Variants in WWOX observed in about 807,000 individuals in gnomAD.
WWOX encodes WW domain-containing oxidoreductase.
A neutral mutation model predicts 46.2 loss-of-function variants in WWOX; 69 were observed. The observed-to-expected ratio is 1.49, with a 90% CI of 1.23 to 1.82. WWOX has a LOEUF of 1.82. Ranked by LOEUF, WWOX falls within the 40% of genes most tolerant of loss-of-function variation. WWOX has a pLI of 0.00. For synonymous variants in WWOX, 359 were observed against 202.6 expected, an observed-to-expected ratio of 1.77 and a Z score of -6.56; for missense variants, 919 against 542.6, an observed-to-expected ratio of 1.69 and a Z score of -6.89.
intron 8 of WWOX, among the ~76,000 whole-genome samples, chr16:79,053,215 G>A (rs1326569545): frequency 1.3e-5 from 2 of 152,172 alleles, no homozygotes; most frequent in South Asian, 2.1e-4. Context: ...AGGCCAGGGT[G>A]TGTTTTATTA....
At chr16:78,880,076 T>A (rs1009111396) in intron 8 of WWOX, among the ~76,000 whole-genome samples, 1 of 152,216 alleles carries the variant, frequency 6.6e-6, no homozygotes, top group Non-Finnish European at 1.5e-5. Flanking sequence ...GAGTTGATGA[T>A]ACCGTATGCA....
chr16:78,385,362 C>G (rs113475043), intron 5 of WWOX, among the ~76,000 whole-genome samples: 4,104 of 152,296 alleles, frequency 0.027, 161 homozygotes, highest in African/African-American at 0.087. Context: ...GAAACATCTT[C>G]TCTGCTAGTT....
At chr16:78,699,281 C>T (rs2048163068) in intron 8 of WWOX, among the ~76,000 whole-genome samples, 1 of 152,084 alleles carries the variant, frequency 6.6e-6, no homozygotes, top group South Asian at 2.1e-4. Flanking sequence ...CGCCTGTGAT[C>T]CTAGCACTTT....
At chr16:78,447,034 T>A (rs900563238) in intron 8 of WWOX, among the ~76,000 whole-genome samples, 1 of 152,204 alleles carries the variant, frequency 6.6e-6, no homozygotes, top group Non-Finnish European at 1.5e-5. Context: ...TGGCAGGATG[T>A]CTTATTTATG....
chr16:79,022,111 G>C (rs1190284698), intron 8 of WWOX, among the ~76,000 whole-genome samples: 1 of 152,232 alleles, frequency 6.6e-6, no homozygotes, highest in Admixed American at 6.5e-5. Context: ...CATGAGTGCA[G>C]AGGCACGTAG....
chr16:79,193,155 C>T (rs924346381), intron 8 of WWOX, among the ~76,000 whole-genome samples: 1 of 152,212 alleles, frequency 6.6e-6, no homozygotes, highest in African/African-American at 2.4e-5. Flanking sequence ...CTGCTGGAAT[C>T]TCCCAATACA....
At chr16:78,770,037 G>A (rs1451250401) in intron 8 of WWOX, among the ~76,000 whole-genome samples, 1 of 151,356 alleles carries the variant, frequency 6.6e-6, no homozygotes, top group African/African-American at 2.4e-5. Flanking sequence ...GAGTGAGACC[G>A]TGTCTTTAAG....
chr16:78,957,433 C>G (rs1460781688), intron 8 of WWOX, among the ~76,000 whole-genome samples: 1 of 152,168 alleles, frequency 6.6e-6, no homozygotes, highest in Non-Finnish European at 1.5e-5. Context: ...CAGGCCTGAA[C>G]TTGTCAACAG....
rs191876213 is a variant in WWOX at position 78,993,777 on chromosome 16, G to A, written c.1057-217831G>A. 1.6e-3 allele frequency among the ~76,000 whole-genome samples: 244 copies of A among 152,322 alleles called. 2 individuals carry two copies. The highest frequency in any genetic ancestry group is 4.1e-4 in the Non-Finnish European group (28 of 68,032). The stretch of plus-strand genomic sequence containing the variant: ...TCGCCAGACTCCATGGCCTGAGTCC[G>A]GGGGTGGCTTTTCGTGGTGCAGCTT... On this transcript the variant is annotated intron_variant, in intron 8 of 8. Coordinates refer to ENST00000566780, the MANE Select transcript of WWOX (RefSeq NM_016373.4).
At chr16:78,181,124 G>A (rs1306513315) in intron 5 of WWOX, among the ~76,000 whole-genome samples, 1 of 152,106 alleles carries the variant, frequency 6.6e-6, no homozygotes, top group East Asian at 1.9e-4. Context: ...GGAGAGACAG[G>A]CATACAGAGA....
At chr16:78,540,941 C>T (rs1178564887) in intron 8 of WWOX, among the ~76,000 whole-genome samples, 2 of 152,108 alleles carry the variant, frequency 1.3e-5, no homozygotes, top group Admixed American at 6.6e-5. Flanking sequence ...CTGCCTTGAG[C>T]TCCCGAAGCG....
At chr16:78,830,487 G>A (rs1029615535) in intron 8 of WWOX, among the ~76,000 whole-genome samples, 2 of 151,882 alleles carry the variant, frequency 1.3e-5, no homozygotes, top group African/African-American at 4.8e-5. Context: ...GCCTGAAGAG[G>A]CCTCAAAATT....
chr16:78,608,011 C>A (rs1310108605), intron 8 of WWOX, among the ~76,000 whole-genome samples: 1 of 152,084 alleles, frequency 6.6e-6, no homozygotes, highest in African/African-American at 2.4e-5. Context: ...TATTATGTCA[C>A]TAGTCAACCG....
intron 5 of WWOX, among the ~76,000 whole-genome samples, chr16:78,382,937 C>G (rs1216614379): frequency 6.6e-6 from 1 of 151,818 alleles, no homozygotes; most frequent in Non-Finnish European, 1.5e-5. Flanking sequence ...TGTTCATGTT[C>G]TGCTTCTGGA....
intron 8 of WWOX, among the ~76,000 whole-genome samples, chr16:79,102,345 G>T (rs2049218139): frequency 6.6e-6 from 1 of 152,130 alleles, no homozygotes; most frequent in Non-Finnish European, 1.5e-5. Context: ...TGGGCAAACT[G>T]GGAGGGTGTT....
chr16:78,605,704 C>G (rs1344821636), intron 8 of WWOX, among the ~76,000 whole-genome samples: 1 of 152,164 alleles, frequency 6.6e-6, no homozygotes, highest in African/African-American at 2.4e-5. Flanking sequence ...TTGTCATATT[C>G]CTGAGTGTCT....
intron 8 of WWOX, among the ~76,000 whole-genome samples, chr16:78,669,132 C>G (rs1173920818): frequency 1.4e-5 from 2 of 142,996 alleles, no homozygotes. Context: ...GTGGCCCCAT[C>G]TCCACCACAA....
intron 8 of WWOX, among the ~76,000 whole-genome samples, chr16:79,198,221 C>G (rs1481126234): frequency 6.6e-6 from 1 of 152,092 alleles, no homozygotes; most frequent in East Asian, 1.9e-4. Context: ...GCCTGCAATC[C>G]CAGCTACTCG....
At chr16:78,782,392 CA>C (rs1482281940) in intron 8 of WWOX, among the ~76,000 whole-genome samples, 5 of 152,296 alleles carry the variant, frequency 3.3e-5, no homozygotes, top group African/African-American at 1.2e-4. Context: ...CTCTTTCCCA[CA>C]ATCTAGGAGA....
Sources: allele counts gnomAD v4.1 joint callset (sites outside exome capture counted in the v4.1 genomes callset), GRCh38; gene constraint gnomAD v4.1.1; transcripts MANE v1.5; gene names NCBI Gene and HGNC (gene_info 2026-07-23, HGNC 2026-07-21).